Variants in ARL5A observed in about 807,000 individuals in gnomAD.
ARL5A encodes the protein ARF like GTPase 5A.
In ARL5A, 18 loss-of-function variants were observed where a neutral mutation model predicts 25.9. The ratio of observed to expected loss-of-function variants is 0.69; its 90% CI spans 0.48 to 1.03. The LOEUF is 1.03. Ranked by LOEUF, ARL5A falls within the 50% of genes least tolerant of loss-of-function variation. The probability of loss-of-function intolerance (pLI) is 0.00; values close to 1 mark genes in which losing one functional copy is unlikely to be tolerated. For synonymous variants in ARL5A, 61 were observed against 67.5 expected, an observed-to-expected ratio of 0.90 and a Z score of 0.47; for missense variants, 170 against 211.9, an observed-to-expected ratio of 0.80 and a Z score of 1.23.
At position 151,828,161 on chromosome 2, in the gene ARL5A, T is replaced by C. The variant is rs749519458; in HGVS notation, c.16A>G (p.Thr6Ala). 4 of 1,605,330 alleles carry C rather than the reference T, an allele frequency of 2.5e-6. No individual in the cohort carries two copies. In the South Asian group the frequency reaches 3.3e-5, roughly 13 times the overall value. The change falls in exon 1 of 6, where the codon ACT becomes GCT. Residue 6 changes from threonine (T) to alanine (A), a missense_variant. Physicochemically the swap from Thr to Ala is moderately conservative, Grantham distance 58 (BLOSUM62 0). Transcript: ENST00000295087. MGILF[T>A]RIWRLFNHQE... ...TGATTGAACAGTCTCCATATTCTAG[T>C]GAAGAGAATTCCCATTCTCGGGCAG...
Position 151,828,196 on chromosome 2 carries a change from C to A in ARL5A, c.-20G>T. On this transcript the variant is annotated 5_prime_UTR_variant, in exon 1 of 6. Transcript: ENST00000295087. ...TCCCATTCTCGGGCAGCGGACCCCC[C>A]CCCTCCAGACACCCGGGCCGCCTGG... 2 of 1,605,278 alleles carry A rather than the reference C, an allele frequency of 1.2e-6. No individual in the cohort carries two copies. The highest frequency in any genetic ancestry group is 1.3e-5 in the African/African-American group (1 of 74,204).
chr2:151,814,782 C>T (rs901014041), intron 2 of ARL5A, among the ~76,000 whole-genome samples: 2 of 151,870 alleles, frequency 1.3e-5, no homozygotes, highest in African/African-American at 4.8e-5. Context: ...CACTATGTGA[C>T]CCAAGCGGTT....
chr2:151,801,074 AT>A lies in ARL5A; in HGVS notation c.*2201del, dbSNP rs1040913460. ...TAAATTTATTTTTTTCCCAACTATA[AT>A]TTTGGTTTTATGTACAAGTACACAA... On this transcript the variant is annotated 3_prime_UTR_variant, in exon 6 of 6. Transcript: ENST00000295087. The A allele has an allele frequency of 2.6e-5, 4 of 152,578 alleles. No individual in the cohort carries two copies. Among genetic ancestry groups the A allele is most frequent in the African/African-American group, 9.7e-5 (4 of 41,444 alleles). The allele number at this position is 152,578 out of a possible 1,614,324, so 9.5% of individuals were successfully genotyped here.
At chr2:151,821,346 T>C (rs1286176244) in intron 1 of ARL5A, among the ~76,000 whole-genome samples, 1 of 152,142 alleles carries the variant, frequency 6.6e-6, no homozygotes, top group Non-Finnish European at 1.5e-5. Context: ...TCTTACCAAA[T>C]GGTTAAAATA....
chr2:151,826,792 C>A (rs934215461), intron 1 of ARL5A, among the ~76,000 whole-genome samples: 11 of 152,222 alleles, frequency 7.2e-5, no homozygotes, highest in Non-Finnish European at 1.3e-4. Context: ...GCTTCCCACT[C>A]TCCTGCTCCC....
At position 151,803,225 on chromosome 2, in the gene ARL5A, A is replaced by G. The variant is rs1225915344; in HGVS notation, c.*51T>C. The G allele has an allele frequency of 1.5e-6, 2 of 1,370,962 alleles. No individual in the cohort carries two copies. Among genetic ancestry groups the G allele is most frequent in the Non-Finnish European group, 2.0e-6 (2 of 976,806 alleles). 84.9% of individuals were successfully genotyped at this position (1,370,962 alleles called of 1,614,324 possible). A position where few individuals can be genotyped will look rare whatever the true frequency, so the allele number is the denominator to read the frequency against. On this transcript the variant is annotated 3_prime_UTR_variant, in exon 6 of 6. Coordinates refer to ENST00000295087, the MANE Select transcript of ARL5A (RefSeq NM_012097.4). ...CCATTAATTTTTGCAGCTTTCAGGT[A>G]AAGTCCAGCACTTCATTTATACAAA...
chr2:151,805,694 C>T (rs932807118), intron 5 of ARL5A, among the ~76,000 whole-genome samples: 2 of 152,054 alleles, frequency 1.3e-5, no homozygotes, highest in African/African-American at 4.8e-5. Flanking sequence ...CTGTAGGTAA[C>T]CATAACCCAA....
chr2:151,823,162 T>C (rs1228384802), intron 1 of ARL5A, among the ~76,000 whole-genome samples: 1 of 152,204 alleles, frequency 6.6e-6, no homozygotes, highest in Non-Finnish European at 1.5e-5. Context: ...ATTCCATTTG[T>C]CATATTCACT....
At chr2:151,810,853 T>C (rs1311035923) in intron 4 of ARL5A, among the ~76,000 whole-genome samples, 1 of 152,208 alleles carries the variant, frequency 6.6e-6, no homozygotes, top group Non-Finnish European at 1.5e-5. Context: ...ATAACATTTG[T>C]ATCAGTTTTT....
chr2:151,810,326 G>C (rs2099830680), intron 4 of ARL5A: 1 of 180,942 alleles, frequency 5.5e-6, no homozygotes, highest in Admixed American at 6.3e-5. Context: ...GATTTATGTA[G>C]TATGTAAGAA....
chr2:151,809,785 T>G (rs1377590189), intron 4 of ARL5A, among the ~76,000 whole-genome samples: 2 of 152,214 alleles, frequency 1.3e-5, no homozygotes, highest in Non-Finnish European at 2.9e-5. Flanking sequence ...TGTCAATTTG[T>G]TTCTTAAAAC....
intron 1 of ARL5A, among the ~76,000 whole-genome samples, chr2:151,826,927 T>C (rs1434673005): frequency 6.7e-6 from 1 of 148,798 alleles, no homozygotes; most frequent in African/African-American, 2.6e-5. Flanking sequence ...GACCTACACA[T>C]CTGTGTGTGT....
chr2:151,814,110 A>G, intron 3 of ARL5A, 59 bp downstream of exon 3: 1 of 1,441,192 alleles, frequency 6.9e-7, no homozygotes, highest in Non-Finnish European at 9.3e-7. Flanking sequence ...AAGGACTCAA[A>G]TCTAGATGTT....
intron 5 of ARL5A, among the ~76,000 whole-genome samples, chr2:151,805,463 C>T (rs2151291644): frequency 6.6e-6 from 1 of 152,200 alleles, no homozygotes; most frequent in Non-Finnish European, 1.5e-5. Flanking sequence ...TTAGAATTCA[C>T]CGCTTATTTC....
chr2:151,827,486 G>A (rs1186562917), intron 1 of ARL5A: 3 of 152,126 alleles, frequency 2.0e-5, no homozygotes, highest in Non-Finnish European at 2.9e-5. Flanking sequence ...TAACCCACAC[G>A]AGTAGAAAAA....
rs2099833087 is a variant in ARL5A at position 151,826,609 on chromosome 2, G to C, written c.46+1522C>G. The stretch of plus-strand genomic sequence containing the variant: ...TTGCTAAAAATAATACAAAATGATG[G>C]ATGTTAAAACTAGAATAGATCTTAT... On this transcript the variant is annotated intron_variant, in intron 1 of 5. Coordinates refer to ENST00000295087, the MANE Select transcript of ARL5A (RefSeq NM_012097.4). Among the ~76,000 whole-genome samples, 7 of 152,192 alleles carry C rather than the reference G, an allele frequency of 4.6e-5. No individual in the cohort carries two copies. The South Asian group carries it at 1.4e-3, about 31-fold the overall frequency.
At chr2:151,805,139 T>C (rs1191725242) in intron 5 of ARL5A, among the ~76,000 whole-genome samples, 1 of 152,160 alleles carries the variant, frequency 6.6e-6, no homozygotes, top group Non-Finnish European at 1.5e-5. Context: ...ATTAGACTAT[T>C]TGACAAAGAA....
chr2:151,800,889 G>T lies in ARL5A; in HGVS notation c.*2387C>A, dbSNP rs181506539. The T allele has an allele frequency of 6.6e-6, 1 of 152,496 alleles. No individual in the cohort carries two copies. Among genetic ancestry groups the T allele is most frequent in the Non-Finnish European group, 1.5e-5 (1 of 68,010 alleles). 9.4% of individuals were successfully genotyped at this position (152,496 alleles called of 1,614,324 possible). A position where few individuals can be genotyped will look rare whatever the true frequency, so the allele number is the denominator to read the frequency against. On this transcript the variant is annotated 3_prime_UTR_variant, in exon 6 of 6. Transcript: ENST00000295087. ...TCAGAGCTGAACACAATGACTCCAC[G>T]AGATGTTTTCACTCAGAAGTGGCAT...
chr2:151,819,752 GA>G (rs202101269), intron 1 of ARL5A, among the ~76,000 whole-genome samples: 181 of 130,374 alleles, frequency 1.4e-3, no homozygotes, highest in South Asian at 7.5e-3. Context: ...AAAAACTACT[GA>G]AAAAAAAAAA....
Sources: gnomAD v4.1 joint callset for allele counts (sites outside exome capture counted in the v4.1 genomes callset) on GRCh38, gnomAD v4.1.1 for gene constraint, MANE v1.5 for transcripts, NCBI Gene and HGNC (gene_info 2026-07-23, HGNC 2026-07-21) for gene names.